SNTG1: variants seen among roughly 807,000 people sequenced by gnomAD.
The protein encoded by SNTG1 is syntrophin gamma 1, also known as gamma-1-syntrophin.
In SNTG1, 39 loss-of-function variants were observed where a neutral mutation model predicts 74.7. That is an observed-to-expected ratio of 0.52 (90% CI 0.40 to 0.68). The LOEUF is 0.68. Among genes scored for constraint, SNTG1 ranks in the 30% least tolerant of loss-of-function variants. The pLI is 0.00. For missense variants in SNTG1, 685 were observed against 609.5 expected, an observed-to-expected ratio of 1.12 and a Z score of -1.30; for synonymous variants, 254 against 217.1, an observed-to-expected ratio of 1.17 and a Z score of -1.49.
rs868507398 is a variant in SNTG1, at chr8:50,777,633, C to G, written c.1396-15038C>G. On this transcript the variant is annotated intron_variant, in intron 18 of 18. Coordinates refer to ENST00000642720, the MANE Select transcript of SNTG1 (RefSeq NM_018967.5). ...ATCTATGTCATCTCACTGTTGGCAT[C>G]TTTTGAATTTTTTTTCCATTCAGTG... Among the ~76,000 whole-genome samples, 58 of 144,784 alleles carry G rather than the reference C, an allele frequency of 4.0e-4. 1 individual carries two copies. The highest frequency in any genetic ancestry group is 1.6e-3 in the African/African-American group (56 of 34,974). 95.0% of individuals were successfully genotyped at this position (144,784 alleles called of 152,430 possible).
chr8:50,683,291 A>T (rs1339400053), intron 15 of SNTG1, among the ~76,000 whole-genome samples: 1 of 152,178 alleles, frequency 6.6e-6, no homozygotes, highest in African/African-American at 2.4e-5. Context: ...AGTTATTTGT[A>T]TTTGCTTAAA....
At chr8:50,097,250 A>C (rs2079961652) in intron 1 of SNTG1, among the ~76,000 whole-genome samples, 1 of 152,112 alleles carries the variant, frequency 6.6e-6, no homozygotes, top group Admixed American at 6.6e-5. Flanking sequence ...ACTTTTTAAA[A>C]TTGCTGACAT....
chr8:50,295,528 G>T (rs2089321362), intron 2 of SNTG1, among the ~76,000 whole-genome samples: 1 of 152,126 alleles, frequency 6.6e-6, no homozygotes, highest in Non-Finnish European at 1.5e-5. Flanking sequence ...TTAGTAGTGA[G>T]TTTCCAGTTG....
chr8:50,722,593 A>G (rs977000695), intron 17 of SNTG1, among the ~76,000 whole-genome samples: 1 of 152,210 alleles, frequency 6.6e-6, no homozygotes, highest in Non-Finnish European at 1.5e-5. Flanking sequence ...TAGGCAAATT[A>G]TTCTTCTGCA....
At chr8:50,523,352 A>G (rs1024302401) in intron 9 of SNTG1, among the ~76,000 whole-genome samples, 2 of 152,220 alleles carry the variant, frequency 1.3e-5, no homozygotes, top group Admixed American at 6.5e-5. Flanking sequence ...GCTAACTGGC[A>G]GAAGAGGCTA....
intron 2 of SNTG1, among the ~76,000 whole-genome samples, chr8:50,362,760 T>C (rs769522017): frequency 2.0e-5 from 3 of 152,182 alleles, no homozygotes; most frequent in African/African-American, 7.2e-5. Flanking sequence ...GGTGCTATGC[T>C]TTGTTATATA....
intron 1 of SNTG1, among the ~76,000 whole-genome samples, chr8:50,153,567 C>T (rs1177782827): frequency 1.3e-5 from 2 of 152,132 alleles, no homozygotes; most frequent in East Asian, 3.9e-4. Context: ...TGGTGATGTA[C>T]AGATGGGGGT....
chr8:50,642,606 C>G (rs543657408), intron 13 of SNTG1, among the ~76,000 whole-genome samples: 3 of 152,238 alleles, frequency 2.0e-5, no homozygotes, highest in South Asian at 2.1e-4. Context: ...CCTTGCTGTC[C>G]CCTCAGCCTT....
chr8:50,241,544 G>C (rs1474502518), intron 2 of SNTG1, among the ~76,000 whole-genome samples: 1 of 152,144 alleles, frequency 6.6e-6, no homozygotes, highest in Non-Finnish European at 1.5e-5. Flanking sequence ...AGTTATTTAG[G>C]TGGGTGGTGT....
intron 2 of SNTG1, among the ~76,000 whole-genome samples, chr8:50,183,090 C>A (rs1169734245): frequency 6.6e-6 from 1 of 152,094 alleles, no homozygotes. Context: ...CCTTGCTCCT[C>A]CTTGCTTTTC....
chr8:50,701,735 TC>T (rs2095425826), intron 15 of SNTG1, among the ~76,000 whole-genome samples: 1 of 106,236 alleles, frequency 9.4e-6, no homozygotes, highest in Admixed American at 1.1e-4. Flanking sequence ...TTCTTCTTTT[TC>T]TTTTTCTTCT....
intron 2 of SNTG1, among the ~76,000 whole-genome samples, chr8:50,373,258 T>G (rs2092308282): frequency 6.6e-6 from 1 of 152,248 alleles, no homozygotes; most frequent in African/African-American, 2.4e-5. Flanking sequence ...TCCCAGATCC[T>G]CTTATTTAAG....
Position 50,589,590 on chromosome 8 carries a change from T to TA in SNTG1, c.811-1275dup, listed in dbSNP as rs36003784. On this transcript the variant is annotated intron_variant, in intron 12 of 18. Transcript: ENST00000642720. The stretch of plus-strand genomic sequence containing the variant: ...AGATGGTTCAGACTATTTTTCAGAT[T>TA]AAAAAAAAAAAAAACATTGCAGTTT... Among the ~76,000 whole-genome samples the TA allele has an allele frequency of 2.1e-3, 292 of 140,130 alleles. 2 individuals carry two copies. The highest frequency in any genetic ancestry group is 0.02 in the South Asian group (87 of 4,380). 91.9% of individuals were successfully genotyped at this position (140,130 alleles called of 152,430 possible). A position where few individuals can be genotyped will look rare whatever the true frequency, so the allele number is the denominator to read the frequency against.
intron 2 of SNTG1, among the ~76,000 whole-genome samples, chr8:50,284,386 T>C (rs541435067): frequency 4.6e-5 from 7 of 152,154 alleles, no homozygotes; most frequent in Non-Finnish European, 8.8e-5. Flanking sequence ...CAAGCAGACA[T>C]ACCCTGAACA....
chr8:49,972,213 A>G (rs1039673769), intron 1 of SNTG1, among the ~76,000 whole-genome samples: 4 of 152,224 alleles, frequency 2.6e-5, no homozygotes, highest in Non-Finnish European at 5.9e-5. Context: ...ATAATGCCGC[A>G]TATCTACAAC....
intron 1 of SNTG1, among the ~76,000 whole-genome samples, chr8:49,915,545 C>T (rs1230109501): frequency 1.3e-5 from 2 of 152,106 alleles, no homozygotes; most frequent in African/African-American, 4.8e-5. Context: ...TTACTCAGAA[C>T]TGACACCACA....
At chr8:50,087,523 T>C (rs1665832322) in intron 1 of SNTG1, among the ~76,000 whole-genome samples, 1 of 152,190 alleles carries the variant, frequency 6.6e-6, no homozygotes, top group Non-Finnish European at 1.5e-5. Context: ...CATTTCTCTT[T>C]TGTTTCTAAA....
intron 1 of SNTG1, among the ~76,000 whole-genome samples, chr8:49,975,180 C>T (rs1031025780): frequency 3.9e-5 from 6 of 152,140 alleles, no homozygotes; most frequent in African/African-American, 1.4e-4. Flanking sequence ...AAAGAAATTT[C>T]TTAATAAATA....
chr8:50,673,670 C>A (rs969590280), intron 15 of SNTG1, among the ~76,000 whole-genome samples: 2 of 152,204 alleles, frequency 1.3e-5, no homozygotes, highest in Non-Finnish European at 2.9e-5. Context: ...CGCTTTATTT[C>A]TTTCTCTTGC....
Sources: allele counts gnomAD v4.1 joint callset (sites outside exome capture counted in the v4.1 genomes callset), GRCh38; gene constraint gnomAD v4.1.1; transcripts MANE v1.5; gene names NCBI Gene and HGNC (gene_info 2026-07-23, HGNC 2026-07-21).